Variants in ADAMTSL1 observed in about 807,000 individuals in gnomAD.
ADAMTSL1 encodes ADAMTS-like protein 1.
A neutral mutation model predicts 201.8 loss-of-function variants in ADAMTSL1; 126 were observed. That is an observed-to-expected ratio of 0.62 (90% CI 0.54 to 0.72). ADAMTSL1 has a LOEUF of 0.72. ADAMTSL1 is among the 30% of genes least tolerant of loss of function. The probability of loss-of-function intolerance (pLI) is 0.00; values close to 1 mark genes in which losing one functional copy is unlikely to be tolerated. For synonymous variants in ADAMTSL1, 1,121 were observed against 903.4 expected, an observed-to-expected ratio of 1.24 and a Z score of -4.32; for missense variants, 2,679 against 2,277.8, an observed-to-expected ratio of 1.18 and a Z score of -3.59.
intron 14 of ADAMTSL1, 144 bp from the exon 15 acceptor site, chr9:18,721,392 T>C: frequency 2.6e-6 from 3 of 1,166,214 alleles, no homozygotes; most frequent in Non-Finnish European, 3.6e-6. Context: ...TTGGCAGTCC[T>C]GGGCTTTAAA....
chr9:18,718,830 T>G (rs1403730779), intron 14 of ADAMTSL1, among the ~76,000 whole-genome samples: 1 of 152,212 alleles, frequency 6.6e-6, no homozygotes, highest in African/African-American at 2.4e-5. Context: ...ACTTCCTGCC[T>G]CAGGATCGTT....
chr9:18,144,790 C>G (rs1826557504), intron 1 of ADAMTSL1, among the ~76,000 whole-genome samples: 1 of 152,130 alleles, frequency 6.6e-6, no homozygotes, highest in African/African-American at 2.4e-5. Flanking sequence ...GGTCCATGTA[C>G]TCCAGTAGCT....
upstream of ADAMTSL1, among the ~76,000 whole-genome samples, chr9:18,469,390 G>A (rs1161863149): frequency 6.6e-6 from 1 of 152,294 alleles, no homozygotes; most frequent in Non-Finnish European, 1.5e-5. Flanking sequence ...TATATCAGTT[G>A]GGATTCTGTT....
At chr9:18,784,238 A>T (rs1311664778) in intron 19 of ADAMTSL1, among the ~76,000 whole-genome samples, 1 of 151,226 alleles carries the variant, frequency 6.6e-6, no homozygotes, top group Non-Finnish European at 1.5e-5. Flanking sequence ...TATGCATAAT[A>T]CTCTCTCGGC....
intron 1 of ADAMTSL1, among the ~76,000 whole-genome samples, chr9:18,160,670 AATT>A (rs1827346326): frequency 1.0e-5 from 1 of 97,154 alleles, no homozygotes; most frequent in Non-Finnish European, 2.6e-5. Flanking sequence ...TTCTTTTTTT[AATT>A]AATTAATTAA....
chr9:18,903,056 T>C (rs982465158), intron 26 of ADAMTSL1, among the ~76,000 whole-genome samples: 10 of 151,982 alleles, frequency 6.6e-5, no homozygotes, highest in African/African-American at 2.4e-4. Flanking sequence ...AATACAAAAA[T>C]TAGCCAGGTG....
intron 2 of ADAMTSL1, among the ~76,000 whole-genome samples, chr9:18,313,232 T>A (rs1834225240): frequency 6.6e-6 from 1 of 152,210 alleles, no homozygotes; most frequent in Non-Finnish European, 1.5e-5. Context: ...AGACAACTCT[T>A]TGAGAACTAT....
intron 1 of ADAMTSL1, among the ~76,000 whole-genome samples, chr9:18,125,659 A>G (rs768868820): frequency 3.3e-5 from 5 of 152,210 alleles, no homozygotes; most frequent in Non-Finnish European, 5.9e-5. Context: ...AGTTGTCCCA[A>G]CCGACTTTGT....
intron 3 of ADAMTSL1, among the ~76,000 whole-genome samples, chr9:18,554,369 C>G (rs557946596): frequency 6.6e-6 from 1 of 151,642 alleles, no homozygotes; most frequent in South Asian, 2.1e-4. Context: ...TTTATGTTAT[C>G]CTTATATGCT....
intron 2 of ADAMTSL1, among the ~76,000 whole-genome samples, chr9:18,164,383 T>C (rs752103307): frequency 2.0e-5 from 3 of 151,930 alleles, no homozygotes; most frequent in Non-Finnish European, 4.4e-5. Flanking sequence ...TCCTGGCTTC[T>C]TTGTAGATAT....
chr9:18,086,375 G>T (rs1823771390), intron 1 of ADAMTSL1, among the ~76,000 whole-genome samples: 1 of 151,948 alleles, frequency 6.6e-6, no homozygotes, highest in Non-Finnish European at 1.5e-5. Context: ...GAATTCCATT[G>T]CCTGTGCTTG....
intron 2 of ADAMTSL1, among the ~76,000 whole-genome samples, chr9:18,182,180 G>A (rs201428865): frequency 1.3e-5 from 2 of 150,962 alleles, no homozygotes; most frequent in Non-Finnish European, 2.9e-5. Flanking sequence ...GGAGATATAC[G>A]TAATGCTAGA....
At chr9:18,667,572 C>T (rs972859688) in intron 9 of ADAMTSL1, among the ~76,000 whole-genome samples, 1 of 152,110 alleles carries the variant, frequency 6.6e-6, no homozygotes, top group African/African-American at 2.4e-5. Flanking sequence ...ACAATACTTA[C>T]CTCATAAAGT....
intron 1 of ADAMTSL1, among the ~76,000 whole-genome samples, chr9:17,986,526 G>A (rs530174083): frequency 6.6e-6 from 1 of 152,106 alleles, no homozygotes; most frequent in African/African-American, 2.4e-5. Context: ...TTGTAAAGAA[G>A]TGTCTTTTCC....
chr9:18,123,184 A>G (rs1825579157), intron 1 of ADAMTSL1, among the ~76,000 whole-genome samples: 1 of 152,218 alleles, frequency 6.6e-6, no homozygotes, highest in South Asian at 2.1e-4. Context: ...CTTAACTCCT[A>G]GTAACTAGAT....
chr9:18,653,452 C>T (rs1487565728), intron 7 of ADAMTSL1, among the ~76,000 whole-genome samples: 1 of 152,224 alleles, frequency 6.6e-6, no homozygotes, highest in Non-Finnish European at 1.5e-5. Context: ...CTGCCCTACT[C>T]AAGGGTTGTG....
chr9:18,251,332 C>T (rs181558586), intron 2 of ADAMTSL1, among the ~76,000 whole-genome samples: 9 of 152,048 alleles, frequency 5.9e-5, no homozygotes, highest in East Asian at 5.8e-4. Context: ...TTTCTGAAGA[C>T]GGTGTTGAGT....
At chr9:18,221,038 G>T (rs369264208) in intron 2 of ADAMTSL1, among the ~76,000 whole-genome samples, 23 of 152,204 alleles carry the variant, frequency 1.5e-4, no homozygotes, top group African/African-American at 5.1e-4. Context: ...GCCTCCCAAA[G>T]TTCGGGGATT....
intron 3 of ADAMTSL1, among the ~76,000 whole-genome samples, chr9:18,540,740 C>T (rs74453653): frequency 7.2e-5 from 11 of 152,146 alleles, no homozygotes; most frequent in Admixed American, 1.3e-4. Context: ...CTCCCAGGCC[C>T]GGTCTGCCAG....
Sources: allele counts gnomAD v4.1 joint callset (sites outside exome capture counted in the v4.1 genomes callset), GRCh38; gene constraint gnomAD v4.1.1; transcripts MANE v1.5; gene names NCBI Gene and HGNC (gene_info 2026-07-23, HGNC 2026-07-21).